TRAPPC9: variants seen among roughly 807,000 people sequenced by gnomAD.
The protein encoded by TRAPPC9 is IKK2 binding protein.
In TRAPPC9, 83 loss-of-function variants were observed where a neutral mutation model predicts 124.0. That is an observed-to-expected ratio of 0.67 (90% CI 0.56 to 0.80). TRAPPC9 has a LOEUF of 0.80. Among genes scored for constraint, TRAPPC9 ranks in the 30% least tolerant of loss-of-function variants. TRAPPC9 has a pLI of 0.00. For synonymous variants in TRAPPC9, 638 were observed against 617.5 expected (o/e 1.03, Z -0.49); for missense variants, 1,302 against 1,508.3 (o/e 0.86, Z 2.27).
intron 20 of TRAPPC9, among the ~76,000 whole-genome samples, chr8:139,889,049 G>C (rs914687982): frequency 1.3e-5 from 2 of 152,242 alleles, no homozygotes; most frequent in Non-Finnish European, 2.9e-5. Flanking sequence ...GCAACCAAAA[G>C]TCTGCCAACA....
At chr8:140,335,306 G>A (rs2067005459) in intron 9 of TRAPPC9, among the ~76,000 whole-genome samples, 1 of 152,188 alleles carries the variant, frequency 6.6e-6, no homozygotes, top group Non-Finnish European at 1.5e-5. Flanking sequence ...TAGGTGTTGA[G>A]AGTCTGAACC....
At position 139,773,607 on chromosome 8, in the gene TRAPPC9, G is replaced by A. The variant is rs144230858; in HGVS notation, c.3056-41405C>T. ...CCACACCATCACTCCCATGCCCCAC[G>A]CCAGCCTGCACCTTCCCCACAGCCC... On this transcript the variant is annotated intron_variant, in intron 21 of 22. Coordinates refer to ENST00000438773, the MANE Select transcript of TRAPPC9 (RefSeq NM_001160372.4). 9.9e-5 allele frequency among the ~76,000 whole-genome samples: 15 copies of A among 152,176 alleles called. No individual in the cohort carries two copies. The East Asian group carries it at 2.9e-3, about 30-fold the overall frequency.
chr8:139,728,613 G>A lies in TRAPPC9; in HGVS notation c.*2448C>T, dbSNP rs1173286530. On this transcript the variant is annotated 3_prime_UTR_variant, in exon 23 of 23. Transcript: ENST00000438773. ...ACACCCCTGGCTCCCCACATCCCAC[G>A]GTAAAGCTCCAAACGCTTGGAGCAC... Among the ~76,000 whole-genome samples, 4 of 152,144 alleles carry A rather than the reference G, an allele frequency of 2.6e-5. No individual in the cohort carries two copies. The highest frequency in any genetic ancestry group is 2.1e-4 in the South Asian group (1 of 4,828).
chr8:140,387,532 AAAAC>A (rs1450916493), intron 7 of TRAPPC9, among the ~76,000 whole-genome samples: 2 of 151,322 alleles, frequency 1.3e-5, no homozygotes, highest in Admixed American at 1.3e-4. Flanking sequence ...TTACAAGAAA[AAAAC>A]AAACAACCCC....
chr8:140,157,326 A>G (rs62529270), intron 17 of TRAPPC9, among the ~76,000 whole-genome samples: 3,228 of 31,766 alleles, frequency 0.1, 182 homozygotes, highest in East Asian at 0.46. Flanking sequence ...TTTCCATTCA[A>G]AAGCCTCCCT....
At chr8:139,808,681 T>A (rs1007576782) in intron 21 of TRAPPC9, among the ~76,000 whole-genome samples, 10 of 152,182 alleles carry the variant, frequency 6.6e-5, no homozygotes, top group Non-Finnish European at 1.2e-4. Context: ...ATTTACCAAT[T>A]CTGGATGTAT....
At chr8:140,268,781 G>A (rs760595955) in intron 15 of TRAPPC9, among the ~76,000 whole-genome samples, 33 of 152,288 alleles carry the variant, frequency 2.2e-4, no homozygotes, top group African/African-American at 7.7e-4. Flanking sequence ...AAAGACAGAC[G>A]AAGTGTAGGC....
chr8:140,003,826 C>T (rs1838570274), intron 18 of TRAPPC9, among the ~76,000 whole-genome samples: 2 of 152,110 alleles, frequency 1.3e-5, no homozygotes, highest in Non-Finnish European at 2.9e-5. Flanking sequence ...ATCATATAAT[C>T]CAGCAATCCC....
intron 17 of TRAPPC9, among the ~76,000 whole-genome samples, chr8:140,212,828 C>A (rs920504576): frequency 8.6e-5 from 13 of 151,926 alleles, no homozygotes; most frequent in African/African-American, 3.1e-4. Flanking sequence ...CACCTGTAAT[C>A]CCAGCACTTT....
chr8:139,995,051 C>T (rs576384614), intron 18 of TRAPPC9, among the ~76,000 whole-genome samples: 93 of 152,070 alleles, frequency 6.1e-4, no homozygotes, highest in African/African-American at 2.2e-3. Flanking sequence ...CTGTCTCTCC[C>T]ACTGAATGCA....
intron 19 of TRAPPC9, among the ~76,000 whole-genome samples, chr8:139,977,267 C>T (rs996071401): frequency 1.3e-5 from 2 of 151,884 alleles, no homozygotes; most frequent in African/African-American, 2.4e-5. Context: ...ATCACAGAAC[C>T]GATAAACACT....
intron 18 of TRAPPC9, among the ~76,000 whole-genome samples, chr8:140,017,987 GCA>G (rs1839577520): frequency 1.3e-5 from 2 of 152,034 alleles, no homozygotes; most frequent in African/African-American, 2.4e-5. Context: ...GGGACTACAG[GCA>G]TCCACCACCA....
intron 2 of TRAPPC9, among the ~76,000 whole-genome samples, chr8:140,443,540 T>C (rs1177802645): frequency 6.6e-6 from 1 of 152,028 alleles, no homozygotes; most frequent in Non-Finnish European, 1.5e-5. Flanking sequence ...GTGCCTGATG[T>C]AAATACAGTA....
intron 17 of TRAPPC9, among the ~76,000 whole-genome samples, chr8:140,164,033 T>C (rs1011562906): frequency 4.6e-5 from 7 of 152,348 alleles, no homozygotes; most frequent in African/African-American, 1.7e-4. Flanking sequence ...CTATGCTGTG[T>C]AGCTTTTATT....
intron 17 of TRAPPC9, among the ~76,000 whole-genome samples, chr8:140,173,370 A>C (rs1037430029): frequency 4.6e-5 from 7 of 152,026 alleles, no homozygotes; most frequent in Non-Finnish European, 8.8e-5. Context: ...CTGGCTAACA[A>C]GGTGAAACCC....
intron 17 of TRAPPC9, among the ~76,000 whole-genome samples, chr8:140,139,273 G>T (rs1185835716): frequency 6.6e-6 from 1 of 152,044 alleles, no homozygotes; most frequent in Non-Finnish European, 1.5e-5. Flanking sequence ...CTACTTTACG[G>T]CCTGCTCAGA....
intron 21 of TRAPPC9, among the ~76,000 whole-genome samples, chr8:139,867,466 T>G (rs943876663): frequency 6.6e-6 from 1 of 152,186 alleles, no homozygotes; most frequent in Non-Finnish European, 1.5e-5. Flanking sequence ...GAATCGGATA[T>G]CCACACAGTT....
intron 17 of TRAPPC9, among the ~76,000 whole-genome samples, chr8:140,105,198 A>C (rs2060642481): frequency 1.3e-5 from 2 of 152,160 alleles, no homozygotes; most frequent in Non-Finnish European, 2.9e-5. Flanking sequence ...TAGTGGCCTC[A>C]CCCAGAGGCC....
At chr8:140,314,484 T>G (rs2066392537) in intron 9 of TRAPPC9, among the ~76,000 whole-genome samples, 1 of 152,198 alleles carries the variant, frequency 6.6e-6, no homozygotes, top group African/African-American at 2.4e-5. Context: ...CTTCTAGATC[T>G]TTTGAAATAT....
Sources: gnomAD v4.1 joint callset for allele counts (sites outside exome capture counted in the v4.1 genomes callset) on GRCh38, gnomAD v4.1.1 for gene constraint, MANE v1.5 for transcripts, NCBI Gene and HGNC (gene_info 2026-07-23, HGNC 2026-07-21) for gene names.